Variants in IPO11 observed in about 807,000 individuals in gnomAD.
The protein encoded by IPO11 is importin 11.
Under a neutral mutation model 143.2 loss-of-function variants are expected in IPO11, and 66 were observed. The ratio of observed to expected loss-of-function variants is 0.46; its 90% confidence interval spans 0.38 to 0.57. The LOEUF is 0.57. Ranked by LOEUF, IPO11 falls within the 20% of genes least tolerant of loss-of-function variation. The probability of loss-of-function intolerance (pLI) is 0.00; values close to 1 mark genes in which losing one functional copy is unlikely to be tolerated. For missense variants in IPO11, 1,026 were observed against 1,141.0 expected (o/e 0.90, Z 1.45); for synonymous variants, 385 against 377.8 (o/e 1.02, Z -0.22).
chr5:62,624,403 C>G (rs997075354), intron 29 of IPO11, among the ~76,000 whole-genome samples: 1 of 152,090 alleles, frequency 6.6e-6, no homozygotes, highest in East Asian at 1.9e-4. Context: ...CTACAAATAC[C>G]ACCATGGCAT....
chr5:62,532,062 T>C (rs1431283797), intron 22 of IPO11, among the ~76,000 whole-genome samples: 2 of 152,170 alleles, frequency 1.3e-5, no homozygotes. Flanking sequence ...ATTAGACACC[T>C]CAGCCAGCCC....
chr5:62,480,696 A>G (rs1746162005), intron 9 of IPO11, among the ~76,000 whole-genome samples: 1 of 152,072 alleles, frequency 6.6e-6, no homozygotes, highest in African/African-American at 2.4e-5. Flanking sequence ...TTCTCTTTGT[A>G]GCAGTTGTGA....
At chr5:62,560,329 C>T (rs32164) in intron 26 of IPO11, among the ~76,000 whole-genome samples, 108,415 of 152,084 alleles carry the variant, frequency 0.71, 39,367 homozygotes, top group African/African-American at 0.85. Context: ...CTGAATTTTG[C>T]ATAGCAGGCT....
At chr5:62,587,057 G>A (rs1342104982) in intron 27 of IPO11, among the ~76,000 whole-genome samples, 4 of 151,302 alleles carry the variant, frequency 2.6e-5, no homozygotes, top group African/African-American at 4.9e-5. Context: ...TCTTCATTGG[G>A]CATTGTTTTT....
At chr5:62,441,748 T>A (rs1265049253) in intron 2 of IPO11, among the ~76,000 whole-genome samples, 1 of 150,416 alleles carries the variant, frequency 6.6e-6, no homozygotes, top group East Asian at 2.0e-4. Flanking sequence ...ACTCCTGACC[T>A]CATGGTGGTC....
At chr5:62,467,966 C>T (rs777330330) in intron 6 of IPO11, among the ~76,000 whole-genome samples, 1 of 151,856 alleles carries the variant, frequency 6.6e-6, no homozygotes, top group Admixed American at 6.6e-5. Flanking sequence ...TTTTTTTGGA[C>T]AGACAGGGTC....
intron 27 of IPO11, among the ~76,000 whole-genome samples, chr5:62,587,787 A>G (rs1214875483): frequency 1.3e-5 from 2 of 152,126 alleles, no homozygotes; most frequent in African/African-American, 4.8e-5. Context: ...GGATACTATT[A>G]TGCCTCCATG....
intron 1 of IPO11, among the ~76,000 whole-genome samples, chr5:62,427,931 C>T (rs1281128014): frequency 6.6e-6 from 1 of 152,176 alleles, no homozygotes; most frequent in Non-Finnish European, 1.5e-5. Flanking sequence ...GTATTAATAA[C>T]GTATAGTGTG....
At chr5:62,494,761 G>A (rs543987504) in intron 16 of IPO11, among the ~76,000 whole-genome samples, 30 of 152,118 alleles carry the variant, frequency 2.0e-4, no homozygotes, top group African/African-American at 6.7e-4. Flanking sequence ...GTGCTTTACT[G>A]TATGCCTGGG....
intron 27 of IPO11, chr5:62,580,645 A>G (rs1580348350): frequency 6.4e-7 from 1 of 1,551,472 alleles, no homozygotes. Context: ...TAACATTACA[A>G]ATTGTGTTAC....
At chr5:62,485,044 G>A (rs1227955317) in intron 11 of IPO11, among the ~76,000 whole-genome samples, 1 of 152,006 alleles carries the variant, frequency 6.6e-6, no homozygotes, top group Non-Finnish European at 1.5e-5. Context: ...TGGAGAGTGT[G>A]AGTAATCATT....
intron 27 of IPO11, among the ~76,000 whole-genome samples, chr5:62,590,128 A>G (rs1157977456): frequency 6.6e-6 from 1 of 152,214 alleles, no homozygotes; most frequent in African/African-American, 2.4e-5. Context: ...TTACTTGCCA[A>G]TTGTAGCAGC....
intron 9 of IPO11, among the ~76,000 whole-genome samples, chr5:62,478,451 G>A (rs1334067637): frequency 6.6e-6 from 1 of 152,152 alleles, no homozygotes; most frequent in Non-Finnish European, 1.5e-5. Flanking sequence ...ACAGGCGTGA[G>A]CCACCACACC....
chr5:62,540,580 G>A (rs753344454), intron 24 of IPO11, among the ~76,000 whole-genome samples: 14 of 152,198 alleles, frequency 9.2e-5, no homozygotes, highest in East Asian at 1.9e-4. Context: ...TAGAGGGAGC[G>A]TAGCATAGCA....
intron 28 of IPO11, among the ~76,000 whole-genome samples, chr5:62,598,549 CTTTCTT>C (rs1745371255): frequency 8.2e-5 from 1 of 12,206 alleles, no homozygotes; most frequent in Admixed American, 1.1e-3. Flanking sequence ...TCTTTCTTTT[CTTTCTT>C]TTTTTTTTTT....
At chr5:62,429,809 G>T (rs1743914735) in intron 1 of IPO11, among the ~76,000 whole-genome samples, 1 of 152,096 alleles carries the variant, frequency 6.6e-6, no homozygotes, top group Admixed American at 6.6e-5. Context: ...ATTTTTAGTA[G>T]AGTTGGGGTT....
chr5:62,535,173 A>C (rs1490023275), intron 22 of IPO11, among the ~76,000 whole-genome samples: 2 of 151,536 alleles, frequency 1.3e-5, no homozygotes, highest in African/African-American at 4.9e-5. Context: ...GTTTTTAAAT[A>C]TCTGTAGGAA....
chr5:62,531,205 T>G (rs1742531234), intron 22 of IPO11, among the ~76,000 whole-genome samples: 1 of 152,186 alleles, frequency 6.6e-6, no homozygotes, highest in Non-Finnish European at 1.5e-5. Context: ...TGAGACAAGG[T>G]CTTGCTCTGT....
chr5:62,419,014 A>G (rs1221802866), intron 1 of IPO11: 3 of 1,550,462 alleles, frequency 1.9e-6, no homozygotes, highest in Non-Finnish European at 2.6e-6. Flanking sequence ...ACAAACCTAG[A>G]TGGTACAGCC....
Sources: allele counts gnomAD v4.1 joint callset (sites outside exome capture counted in the v4.1 genomes callset), GRCh38; gene constraint gnomAD v4.1.1; transcripts MANE v1.5; gene names NCBI Gene and HGNC (gene_info 2026-07-23, HGNC 2026-07-21).